The following NDRG3 variants were observed in gnomAD, a reference collection of about 807,000 sequenced individuals.
NDRG3 encodes the protein NDRG family member 3.
In NDRG3, 23 loss-of-function variants were observed where a neutral mutation model predicts 57.2. The observed-to-expected ratio is 0.40, with a 90% CI of 0.29 to 0.57. The LOEUF (loss-of-function observed/expected upper bound fraction) is 0.57, where lower values mean the gene tolerates loss of function less well. NDRG3 is among the 20% of genes least tolerant of loss of function. NDRG3 has a pLI of 0.42. For missense variants in NDRG3, 384 were observed against 457.3 expected (o/e 0.84, Z 1.46); for synonymous variants, 132 against 162.6 (o/e 0.81, Z 1.43).
chr20:36,743,610 C>T (rs1316016741), intron 1 of NDRG3, among the ~76,000 whole-genome samples: 4 of 151,994 alleles, frequency 2.6e-5, no homozygotes, highest in African/African-American at 9.6e-5. Context: ...GTCAGGAAAT[C>T]GAGACCATCC....
intron 6 of NDRG3, among the ~76,000 whole-genome samples, chr20:36,683,639 A>AATATATGTAT (rs1192356030): frequency 8.8e-5 from 13 of 147,374 alleles, no homozygotes; most frequent in Non-Finnish European, 1.8e-4. Context: ...TAAATAAATA[A>AATATATGTAT]ATATATGTAT....
chr20:36,703,322 T>C (rs899143629), intron 3 of NDRG3, among the ~76,000 whole-genome samples: 2 of 151,978 alleles, frequency 1.3e-5, no homozygotes, highest in Non-Finnish European at 2.9e-5. Flanking sequence ...ATAGTTTACA[T>C]GTATGTGTGT....
intron 1 of NDRG3, among the ~76,000 whole-genome samples, chr20:36,723,762 A>C (rs1253747959): frequency 1.3e-5 from 2 of 148,504 alleles, no homozygotes; most frequent in African/African-American, 2.5e-5. Flanking sequence ...GCTGGAGTGC[A>C]GTGGCACAAT....
At chr20:36,674,558 G>A (rs1301736487) in intron 8 of NDRG3, among the ~76,000 whole-genome samples, 1 of 148,234 alleles carries the variant, frequency 6.7e-6, no homozygotes, top group African/African-American at 2.5e-5. Flanking sequence ...TCCTAGATAT[G>A]GACTTATTGA....
At chr20:36,710,279 G>A (rs576550956) in intron 2 of NDRG3, among the ~76,000 whole-genome samples, 9 of 152,154 alleles carry the variant, frequency 5.9e-5, no homozygotes, top group South Asian at 4.2e-4. Flanking sequence ...AGCCGAGATC[G>A]CACCACTGCA....
At chr20:36,694,499 A>G (rs1982605521) in intron 3 of NDRG3, among the ~76,000 whole-genome samples, 1 of 152,196 alleles carries the variant, frequency 6.6e-6, no homozygotes, top group Admixed American at 6.6e-5. Context: ...GTTCAGAAGC[A>G]TTCATCTCCA....
intron 1 of NDRG3, among the ~76,000 whole-genome samples, chr20:36,730,841 G>A (rs2425265): frequency 0.017 from 2,521 of 151,788 alleles, 61 homozygotes; most frequent in African/African-American, 0.058. Flanking sequence ...GGGAGGCTGA[G>A]GCATGAGAAT....
Position 36,651,955 on chromosome 20 carries a change from G to T in NDRG3, c.*1565C>A, listed in dbSNP as rs1393511514. ...CCAAGAGCTGGGCTCTTGCTATGTG[G>T]TAGTTGGTCTCCACAATTCTCTCAC... On this transcript the variant is annotated 3_prime_UTR_variant, in exon 16 of 16. Transcript: ENST00000349004. The T allele has an allele frequency of 6.6e-6, 1 of 152,178 alleles. No homozygotes were observed. Among genetic ancestry groups the T allele is most frequent in the Non-Finnish European group, 1.5e-5 (1 of 68,046 alleles). 9.4% of individuals were successfully genotyped at this position (152,178 alleles called of 1,614,324 possible). A position where few individuals can be genotyped will look rare whatever the true frequency, so the allele number is the denominator to read the frequency against.
In NDRG3 at chr20:36,653,628, T is replaced by G; in HGVS notation, c.1020A>C (p.Glu340Asp). The part of the protein sequence containing the change: ...HSTSSSLGSG[E>D]SPFSRSVTSN... Reference sequence around the variant, plus strand: ...TGGTGACAGACCGGCTGAAGGGACTTTCTCCAGAGCCGAGGCTACTCGAGG... The same window carrying G: ...TGGTGACAGACCGGCTGAAGGGACTGTCTCCAGAGCCGAGGCTACTCGAGG... Residue 340 changes from glutamate (E) to aspartate (D), a missense_variant, in exon 16 of 16, where the codon GAA becomes GAC. By Grantham distance (45) the Glu-to-Asp change is conservative. Coordinates refer to ENST00000349004, the MANE Select transcript of NDRG3 (RefSeq NM_032013.4). This position sits in a 1 kb window ranked among gnomAD's most constrained non-coding sequence, Gnocchi z 4.2. 6.2e-7 allele frequency: 1 copy of G among 1,614,172 alleles called. No individual in the cohort carries two copies. Among genetic ancestry groups the G allele is most frequent in the Non-Finnish European group, 8.5e-7 (1 of 1,180,036 alleles).
At chr20:36,654,937 G>A (rs1978527354) in intron 15 of NDRG3, 2 of 750,664 alleles carry the variant, frequency 2.7e-6, no homozygotes, top group Admixed American at 1.8e-5. Context: ...AATACTCTAA[G>A]CCAGGGATAA....
At chr20:36,687,728 A>G in intron 4 of NDRG3, 116 bp from the exon 5 acceptor site, 1 of 1,218,484 alleles carries the variant, frequency 8.2e-7, no homozygotes, top group Non-Finnish European at 1.1e-6. Flanking sequence ...CCATTCCACC[A>G]AAGTGAGGTG....
At position 36,693,161 on chromosome 20, in the gene NDRG3, C is replaced by T. The variant is rs1465451583; in HGVS notation, c.94-4377G>A. Among the ~76,000 whole-genome samples the T allele has an allele frequency of 8.2e-4, 74 of 90,304 alleles. 1 individual carries two copies. Among genetic ancestry groups the T allele is most frequent in the African/African-American group, 3.1e-3 (73 of 23,386 alleles). 59.2% of individuals were successfully genotyped at this position (90,304 alleles called of 152,430 possible). A position where few individuals can be genotyped will look rare whatever the true frequency, so the allele number is the denominator to read the frequency against. On this transcript the variant is annotated intron_variant, in intron 3 of 15. Transcript: ENST00000349004. ...ATATATACACACACACACATATACA[C>T]ATATATATATACACACATATATATA...
At chr20:36,666,508 G>A (rs1979648466) in intron 9 of NDRG3, 116 bp from the exon 10 acceptor site, 8 of 719,536 alleles carry the variant, frequency 1.1e-5, no homozygotes, top group East Asian at 2.6e-5. Context: ...ATGGGAACTG[G>A]GGCAGAGCCT....
Position 36,682,576 on chromosome 20 carries a change from AGGCTGTGAAT to A in NDRG3, c.384-8_385del. ...AACTCCAATTCCAATGATGCTTTTC[AGGCTGTGAAT>A]GGGACATAACGACAACTGACAGAGT... On this transcript the variant is annotated splice_acceptor_variant and splice_polypyrimidine_tract_variant and coding_sequence_variant and intron_variant, in exon 7 of 16. Coordinates refer to ENST00000349004, the MANE Select transcript of NDRG3 (RefSeq NM_032013.4). LOFTEE classifies it high-confidence loss of function. 1 of 1,613,870 alleles carries A rather than the reference AGGCTGTGAAT, an allele frequency of 6.2e-7. No homozygotes were observed. Among genetic ancestry groups the A allele is most frequent in the Non-Finnish European group, 8.5e-7 (1 of 1,179,774 alleles).
intron 3 of NDRG3, among the ~76,000 whole-genome samples, chr20:36,693,049 G>A (rs1479214613): frequency 6.0e-5 from 7 of 116,670 alleles, no homozygotes; most frequent in East Asian, 2.5e-4. Context: ...TACTCCAGCC[G>A]GGGTGACAGC....
chr20:36,705,007 A>T, intron 3 of NDRG3, among the ~76,000 whole-genome samples: 1 of 152,154 alleles, frequency 6.6e-6, no homozygotes, highest in South Asian at 2.1e-4. Context: ...TAATTTCCTG[A>T]CTATAAAACA....
At chr20:36,654,840 C>T (rs1198524729) in intron 15 of NDRG3, 1 of 779,720 alleles carries the variant, frequency 1.3e-6, no homozygotes, top group East Asian at 2.4e-5. Flanking sequence ...ACATACGGGA[C>T]TGGAAGCAGG....
intron 9 of NDRG3, among the ~76,000 whole-genome samples, chr20:36,669,501 A>G (rs1979953231): frequency 6.6e-6 from 1 of 151,856 alleles, no homozygotes; most frequent in African/African-American, 2.4e-5. Flanking sequence ...AAGTGCTGGG[A>G]TTACAGGCAT....
chr20:36,694,745 T>TTTTATTTA (rs373979225), intron 3 of NDRG3, among the ~76,000 whole-genome samples: 26 of 152,118 alleles, frequency 1.7e-4, no homozygotes, highest in African/African-American at 5.1e-4. Flanking sequence ...TTTCAAGGCC[T>TTTTATTTA]TTTATTTATT....
Sources: gnomAD v4.1 joint callset for allele counts (sites outside exome capture counted in the v4.1 genomes callset) on GRCh38, gnomAD v4.1.1 for gene constraint, Gnocchi (gnomAD v3.1) non-coding constraint, MANE v1.5 for transcripts, NCBI Gene and HGNC (gene_info 2026-07-23, HGNC 2026-07-21) for gene names.